EEF2K: variants seen among roughly 807,000 people sequenced by gnomAD.
EEF2K encodes the protein eukaryotic elongation factor 2 kinase, also known as alternative protein EEF2K.
EEF2K carries 70 observed loss-of-function variants against 93.8 expected under a neutral mutation model. The observed-to-expected ratio is 0.75, with a 90% CI of 0.62 to 0.91. The LOEUF (loss-of-function observed/expected upper bound fraction) is 0.91, where lower values mean the gene tolerates loss of function less well. EEF2K is among the 40% of genes least tolerant of loss of function. EEF2K has a pLI of 0.00. For missense variants in EEF2K, 935 were observed against 972.9 expected (o/e 0.96, Z 0.52); for synonymous variants, 376 against 380.8 (o/e 0.99, Z 0.15).
intron 2 of EEF2K, among the ~76,000 whole-genome samples, chr16:22,240,101 C>CA (rs765234012): frequency 0.024 from 1,369 of 57,250 alleles, 14 homozygotes; most frequent in South Asian, 0.035. Flanking sequence ...GACTCCATCT[C>CA]AAAAAAAAAA....
chr16:22,232,071 T>C (rs998240312), intron 2 of EEF2K, among the ~76,000 whole-genome samples: 1 of 147,814 alleles, frequency 6.8e-6, no homozygotes, highest in African/African-American at 2.5e-5. Flanking sequence ...CTCCAGGACC[T>C]TTCTAGGCTC....
chr16:22,262,148 A>G lies in EEF2K; in HGVS notation c.1300-962A>G, dbSNP rs1367106893. Reference sequence around the variant, plus strand: ...TTCAATGTTGGTAGGTACATGGCTGAAGTTTTAGAGATTCTAAATTATACC... The same window carrying G: ...TTCAATGTTGGTAGGTACATGGCTGGAGTTTTAGAGATTCTAAATTATACC... On this transcript the variant is annotated intron_variant, in intron 11 of 17. Coordinates refer to ENST00000263026, the MANE Select transcript of EEF2K (RefSeq NM_013302.5). Among the ~76,000 whole-genome samples the G allele has an allele frequency of 2.6e-5, 4 of 152,298 alleles. No homozygotes were observed. The East Asian group carries it at 7.7e-4, about 29-fold the overall frequency.
At chr16:22,247,828 C>T (rs2047310481) in intron 3 of EEF2K, among the ~76,000 whole-genome samples, 2 of 152,236 alleles carry the variant, frequency 1.3e-5, no homozygotes, top group South Asian at 4.1e-4. Flanking sequence ...ACACCGGCAG[C>T]CCTTCTCCTG....
Position 22,287,377 on chromosome 16 carries a change from A to G in EEF2K, c.*3381A>G, listed in dbSNP as rs1163473893. On this transcript the variant is annotated 3_prime_UTR_variant, in exon 18 of 18. Coordinates refer to ENST00000263026, the MANE Select transcript of EEF2K (RefSeq NM_013302.5). ...AAAAACCTAACGCAAAACCCAGGAC[A>G]TTCCAGCCCAACTGGGACGATATCA... The G allele has an allele frequency of 2.6e-5, 4 of 152,262 alleles. No individual in the cohort carries two copies. Among genetic ancestry groups the G allele is most frequent in the African/African-American group, 9.6e-5 (4 of 41,472 alleles). 9.4% of individuals were successfully genotyped at this position (152,262 alleles called of 1,614,324 possible).
intron 8 of EEF2K, 45 bp downstream of exon 8, chr16:22,257,430 TG>T (rs751668665): frequency 1.9e-6 from 3 of 1,604,038 alleles, no homozygotes; most frequent in Non-Finnish European, 2.6e-6. Context: ...CCACGCTCCC[TG>T]CTAAAACCTC....
At chr16:22,273,880 C>T in intron 16 of EEF2K, 130 bp downstream of exon 16, 2 of 1,312,368 alleles carry the variant, frequency 1.5e-6, no homozygotes, top group South Asian at 1.5e-5. Flanking sequence ...CCATGGGCAA[C>T]TTATTTTACC....
Position 22,257,375 on chromosome 16 carries a change from C to T in EEF2K, c.891C>T (p.Asp297=), listed in dbSNP as rs201261698. Residue 297 remains aspartate, a synonymous_variant, in exon 8 of 18, where the codon GAC becomes GAT. Coordinates refer to ENST00000263026, the MANE Select transcript of EEF2K (RefSeq NM_013302.5). ...CGGAGACGGGCACTGACTTTGGAGACGGCAACCTAGGTACGTGGGGAAAGC... is the reference window on the plus strand; with the variant it reads ...CGGAGACGGGCACTGACTTTGGAGATGGCAACCTAGGTACGTGGGGAAAGC... ...IHTETGTDFG[D]GNLGVRGMAL... is the part of the protein sequence containing the mutation. The T allele has an allele frequency of 1.9e-5, 31 of 1,613,370 alleles. No individual in the cohort carries two copies. The highest frequency in any genetic ancestry group is 2.3e-5 in the Non-Finnish European group (27 of 1,179,856).
intron 17 of EEF2K, among the ~76,000 whole-genome samples, chr16:22,282,262 T>A (rs147917237): frequency 7.9e-5 from 12 of 152,342 alleles, no homozygotes; most frequent in African/African-American, 2.6e-4. Flanking sequence ...ATCAAGGTGC[T>A]GGCCAGTTTG....
intron 2 of EEF2K, among the ~76,000 whole-genome samples, chr16:22,230,134 C>T (rs767443631): frequency 1.3e-5 from 2 of 152,130 alleles, no homozygotes; most frequent in Non-Finnish European, 2.9e-5. Context: ...CTCAAGTGTC[C>T]GCAAGAGGGG....
Position 22,237,846 on chromosome 16 carries a change from A to G in EEF2K, c.247-6784A>G, listed in dbSNP as rs554171135. Reference sequence around the variant, plus strand: ...CAGACCTCTTTTTGTGCATTTGCATATAAGTATACATTTGTGTGTATGTCT... The same window carrying G: ...CAGACCTCTTTTTGTGCATTTGCATGTAAGTATACATTTGTGTGTATGTCT... On this transcript the variant is annotated intron_variant, in intron 2 of 17. Coordinates refer to ENST00000263026, the MANE Select transcript of EEF2K (RefSeq NM_013302.5). 2.1e-3 allele frequency among the ~76,000 whole-genome samples: 324 copies of G among 152,288 alleles called. 1 individual carries two copies. The highest frequency in any genetic ancestry group is 3.3e-3 in the Non-Finnish European group (224 of 68,034).
At chr16:22,279,068 G>T (rs1444714597) in intron 16 of EEF2K, among the ~76,000 whole-genome samples, 1 of 152,086 alleles carries the variant, frequency 6.6e-6, no homozygotes, top group African/African-American at 2.4e-5. Flanking sequence ...GGGCAGCTTA[G>T]CTAGGACACT....
intron 1 of EEF2K, among the ~76,000 whole-genome samples, chr16:22,219,984 C>T (rs957514125): frequency 6.6e-6 from 1 of 152,196 alleles, no homozygotes; most frequent in African/African-American, 2.4e-5. Flanking sequence ...TATGGTTGCA[C>T]ACAGTCCTTC....
intron 14 of EEF2K, 79 bp downstream of exon 14, chr16:22,266,603 C>G: frequency 6.3e-7 from 1 of 1,593,080 alleles, no homozygotes; most frequent in Non-Finnish European, 8.6e-7. Flanking sequence ...CCGCTAATCA[C>G]TTCCTCCCGC....
intron 1 of EEF2K, among the ~76,000 whole-genome samples, chr16:22,224,669 A>G (rs1035265586): frequency 1.6e-4 from 22 of 141,150 alleles, no homozygotes; most frequent in Non-Finnish European, 2.4e-4. Context: ...AAAAAGAAAA[A>G]AGTCCGGATG....
At chr16:22,251,019 C>G in intron 5 of EEF2K, 132 bp from the exon 6 acceptor site, 2 of 1,116,434 alleles carry the variant, frequency 1.8e-6, no homozygotes, top group Non-Finnish European at 2.6e-6. Flanking sequence ...GTCCTTCTTA[C>G]CTCCTGCATT....
intron 12 of EEF2K, among the ~76,000 whole-genome samples, chr16:22,263,652 A>G (rs2047488504): frequency 6.6e-6 from 1 of 152,228 alleles, no homozygotes; most frequent in Admixed American, 6.5e-5. Context: ...GATAAATGCA[A>G]AGAAGATAAA....
chr16:22,263,575 C>T (rs1467730499), intron 12 of EEF2K, among the ~76,000 whole-genome samples: 1 of 152,196 alleles, frequency 6.6e-6, no homozygotes, highest in Non-Finnish European at 1.5e-5. Flanking sequence ...TGCCACTGCA[C>T]TCCAGCCTGG....
At chr16:22,256,626 A>T in intron 6 of EEF2K, 122 bp from the exon 7 acceptor site, 1 of 1,151,938 alleles carries the variant, frequency 8.7e-7, no homozygotes, top group Non-Finnish European at 1.2e-6. Context: ...ATAGAGAGCT[A>T]GTAAGTCATG....
chr16:22,236,674 G>A (rs1165522399), intron 2 of EEF2K, among the ~76,000 whole-genome samples: 1 of 151,798 alleles, frequency 6.6e-6, no homozygotes, highest in African/African-American at 2.4e-5. Flanking sequence ...GGCAACAACA[G>A]TGATAACATC....
Sources: gnomAD v4.1 joint callset for allele counts (sites outside exome capture counted in the v4.1 genomes callset) on GRCh38, gnomAD v4.1.1 for gene constraint, MANE v1.5 for transcripts, NCBI Gene and HGNC (gene_info 2026-07-23, HGNC 2026-07-21) for gene names.